Variants in SMPX observed in about 807,000 individuals in gnomAD.
SMPX encodes small muscle protein X-linked.
Under a neutral mutation model 6.3 loss-of-function variants are expected in SMPX, and 2 were observed. The ratio of observed to expected loss-of-function variants is 0.32; its 90% CI spans 0.13 to 0.99. SMPX has a LOEUF of 0.99. Ranked by LOEUF, SMPX falls within the 50% of genes least tolerant of loss-of-function variation. SMPX has a pLI of 0.49. For synonymous variants in SMPX, 32 were observed against 24.7 expected, an observed-to-expected ratio of 1.30 and a Z score of -0.88; for missense variants, 60 against 66.8, an observed-to-expected ratio of 0.90 and a Z score of 0.36.
intron 4 of SMPX, among the ~76,000 whole-genome samples, chrX:21,718,512 G>A (rs1290646990): frequency 8.9e-6 from 1 of 112,099 alleles, no homozygotes; most frequent in Non-Finnish European, 1.9e-5. Flanking sequence ...AAGACAACCT[G>A]CAAGTGACCA....
At chrX:21,752,711 G>T (rs2092828764) in intron 2 of SMPX, among the ~76,000 whole-genome samples, 1 of 110,485 alleles carries the variant, frequency 9.1e-6, no homozygotes, top group African/African-American at 3.3e-5. Flanking sequence ...TAGAGACAGG[G>T]TTTCACCGTG....
intron 2 of SMPX, among the ~76,000 whole-genome samples, chrX:21,753,568 G>A (rs988785075): frequency 8.9e-6 from 1 of 112,220 alleles, no homozygotes; most frequent in Admixed American, 9.4e-5. Flanking sequence ...TGTGCCCAGA[G>A]TTTCAGGGTG....
intron 3 of SMPX, among the ~76,000 whole-genome samples, chrX:21,741,261 T>C (rs1440231386): frequency 1.8e-5 from 2 of 112,266 alleles, no homozygotes; most frequent in East Asian, 2.8e-4. Flanking sequence ...CTGAATGTGA[T>C]AGAGGTTATC....
intron 4 of SMPX, among the ~76,000 whole-genome samples, chrX:21,710,906 T>G (rs765592088): frequency 5.7e-4 from 64 of 112,042 alleles, no homozygotes; most frequent in African/African-American, 1.9e-3. Context: ...TGATTCTTCT[T>G]TGCAGAAGGA....
At chrX:21,738,128 G>A (rs952517598) in intron 3 of SMPX, among the ~76,000 whole-genome samples, 1 of 112,407 alleles carries the variant, frequency 8.9e-6, no homozygotes, top group South Asian at 3.7e-4. Context: ...ACAAACGTAA[G>A]CAAAACCTGT....
intron 2 of SMPX, among the ~76,000 whole-genome samples, chrX:21,750,303 G>C (rs2092826082): frequency 8.9e-6 from 1 of 112,002 alleles, no homozygotes; most frequent in African/African-American, 3.2e-5. Context: ...CCAACAGTGG[G>C]GTTGTAAGAA....
At chrX:21,752,812 C>T (rs945185847) in intron 2 of SMPX, among the ~76,000 whole-genome samples, 4 of 111,515 alleles carry the variant, frequency 3.6e-5, no homozygotes, top group Non-Finnish European at 3.8e-5. Flanking sequence ...CCACCGCGCC[C>T]GGCCTACTAT....
At position 21,741,471 on chromosome X, in the gene SMPX, G is replaced by A. The variant is rs926900356; in HGVS notation, c.132+2279C>T. Among the ~76,000 whole-genome samples, 4 of 111,183 alleles carry A rather than the reference G, an allele frequency of 3.6e-5. No homozygotes were observed. The South Asian group carries it at 1.5e-3, about 42-fold the overall frequency. The stretch of plus-strand genomic sequence containing the variant: ...CCATTCAAACTATGCCTTAAAATGT[G>A]GCTGGGGCCTGAAGCTAATTGACAA... On this transcript the variant is annotated intron_variant, in intron 3 of 4. Transcript: ENST00000379494.
intron 4 of SMPX, among the ~76,000 whole-genome samples, chrX:21,708,057 A>G (rs1161650893): frequency 2.7e-5 from 3 of 112,671 alleles, no homozygotes; most frequent in Non-Finnish European, 3.8e-5. Flanking sequence ...CTTGAACACT[A>G]TTTACACATT....
intron 1 of SMPX, among the ~76,000 whole-genome samples, chrX:21,755,504 G>T (rs903899729): frequency 1.8e-5 from 2 of 112,401 alleles, no homozygotes; most frequent in African/African-American, 3.2e-5. Flanking sequence ...AAAGCATGAT[G>T]CAAATATTCA....
chrX:21,730,872 C>T (rs1224625495), intron 4 of SMPX, among the ~76,000 whole-genome samples: 2 of 112,038 alleles, frequency 1.8e-5, no homozygotes. Context: ...TATTTCCATT[C>T]ATGCATCAAT....
At chrX:21,747,064 C>CA (rs775779829) in intron 2 of SMPX, among the ~76,000 whole-genome samples, 2 of 111,523 alleles carry the variant, frequency 1.8e-5, no homozygotes, top group South Asian at 7.5e-4. Context: ...ATTTGCTACA[C>CA]AAAATAGGCT....
intron 4 of SMPX, chrX:21,733,687 A>G: frequency 3.1e-6 from 1 of 324,150 alleles, no homozygotes; most frequent in Non-Finnish European, 6.0e-6. Flanking sequence ...CTTGTAATTG[A>G]TGCGTCATTA....
chrX:21,734,324 T>C lies in SMPX; in HGVS notation c.*14+3225A>G, dbSNP rs1164160589. Reference sequence around the variant, plus strand: ...ACCAGCCCAGAGCGGTTCTGCAGGTTCCCCAGACCTTTGTCCATGAAGCCT... The same window carrying C: ...ACCAGCCCAGAGCGGTTCTGCAGGTCCCCCAGACCTTTGTCCATGAAGCCT... On this transcript the variant is annotated intron_variant, in intron 4 of 4. Transcript: ENST00000379494. 2.7e-5 allele frequency among the ~76,000 whole-genome samples: 3 copies of C among 111,663 alleles called. No individual in the cohort carries two copies. The Admixed American group carries it at 2.9e-4, about 11-fold the overall frequency.
At chrX:21,714,957 T>A (rs1252035769) in intron 4 of SMPX, among the ~76,000 whole-genome samples, 1 of 112,175 alleles carries the variant, frequency 8.9e-6, no homozygotes, top group Non-Finnish European at 1.9e-5. Context: ...TTGTTTGTTT[T>A]TTCAAGTACC....
At chrX:21,707,107 A>G (rs995702956) in intron 4 of SMPX, among the ~76,000 whole-genome samples, 1 of 102,461 alleles carries the variant, frequency 9.8e-6, no homozygotes, top group South Asian at 4.5e-4. Context: ...ATCACCCCCC[A>G]CCCCAAGCCC....
intron 4 of SMPX, among the ~76,000 whole-genome samples, chrX:21,729,502 C>A (rs2092801021): frequency 9.0e-6 from 1 of 111,539 alleles, no homozygotes. Context: ...TGCCAGATGT[C>A]CCCTGGGAGG....
chrX:21,712,328 C>T (rs1039129296), intron 4 of SMPX, among the ~76,000 whole-genome samples: 2 of 112,118 alleles, frequency 1.8e-5, no homozygotes, highest in Non-Finnish European at 3.8e-5. Flanking sequence ...AAGACCAGAA[C>T]ATTTGCCTTG....
intron 2 of SMPX, among the ~76,000 whole-genome samples, chrX:21,750,172 G>A (rs1432735959): frequency 1.8e-5 from 2 of 111,549 alleles, no homozygotes; most frequent in African/African-American, 3.3e-5. Flanking sequence ...TCATTGATGG[G>A]ATTAGATTCC....
Sources: allele counts gnomAD v4.1 joint callset (sites outside exome capture counted in the v4.1 genomes callset), GRCh38; gene constraint gnomAD v4.1.1; transcripts MANE v1.5; gene names NCBI Gene and HGNC (gene_info 2026-07-23, HGNC 2026-07-21).